C5AR1: variants seen among roughly 807,000 people sequenced by gnomAD.
The protein encoded by C5AR1 is complement C5a receptor 1.
In C5AR1, 4 loss-of-function variants were observed where a neutral mutation model predicts 2.4. That is an observed-to-expected ratio of 1.65 (90% CI 0.81 to 3.77). C5AR1 has a LOEUF of 3.77. Among genes scored for constraint, C5AR1 ranks in the 30% most tolerant of loss-of-function variants. The pLI is 0.01. For missense variants in C5AR1, 418 were observed against 462.5 expected, an observed-to-expected ratio of 0.90 and a Z score of 0.88; for synonymous variants, 209 against 210.4, an observed-to-expected ratio of 0.99 and a Z score of 0.06.
intron 1 of C5AR1, among the ~76,000 whole-genome samples, chr19:47,316,028 CAG>C (rs2059286815): frequency 6.7e-6 from 1 of 148,224 alleles, no homozygotes; most frequent in African/African-American, 2.5e-5. Context: ...TTTTTTTAGA[CAG>C]AGTCTTGTTC....
chr19:47,310,176 A>T (rs2059265530), intron 1 of C5AR1, among the ~76,000 whole-genome samples: 1 of 152,038 alleles, frequency 6.6e-6, no homozygotes. Context: ...TCCCCAGGGG[A>T]GGGGACCCTT....
At chr19:47,308,168 G>A (rs1023227569), upstream of C5AR1, among the ~76,000 whole-genome samples, 3 of 144,780 alleles carry the variant, frequency 2.1e-5, no homozygotes, top group East Asian at 4.2e-4. Flanking sequence ...TGCCGAGATC[G>A]TGCCACTGCA....
intron 1 of C5AR1, among the ~76,000 whole-genome samples, chr19:47,311,108 G>T (rs960316133): frequency 6.6e-6 from 1 of 152,076 alleles, no homozygotes; most frequent in African/African-American, 2.4e-5. Flanking sequence ...CTTCATTCCT[G>T]CATTCCACCC....
rs780389195 is a variant in C5AR1 at position 47,320,236 on chromosome 19, C to T, written c.459C>T (p.Ala153=). The stretch of plus-strand genomic sequence containing the variant: ...AGAACTTCCGAGGGGCTGGCTTGGC[C>T]TGGATCGCCTGTGCCGTGGCTTGGG... ...WCQNFRGAGL[A]WIACAVAWGL... Residue 153 remains alanine (A), a synonymous_variant, in exon 2 of 2, where the codon GCC becomes GCT. Transcript: ENST00000355085. This position sits in a 1 kb window ranked among gnomAD's most constrained non-coding sequence, Gnocchi z 4.9. 19 of 1,613,950 alleles carry T rather than the reference C, an allele frequency of 1.2e-5. No homozygotes were observed. In the East Asian group the frequency reaches 3.3e-4, roughly 28 times the overall value.
chr19:47,317,361 A>C (rs1033645728), intron 1 of C5AR1, among the ~76,000 whole-genome samples: 2 of 151,670 alleles, frequency 1.3e-5, no homozygotes, highest in Admixed American at 1.3e-4. Context: ...ATTAAAAATT[A>C]GCTGGGCACA....
intron 1 of C5AR1, among the ~76,000 whole-genome samples, chr19:47,311,551 G>A (rs888451098): frequency 6.6e-6 from 1 of 151,644 alleles, no homozygotes; most frequent in African/African-American, 2.4e-5. Flanking sequence ...CTACCCCAGA[G>A]CCTCTGACTC....
At chr19:47,318,378 C>T (rs949466726) in intron 1 of C5AR1, among the ~76,000 whole-genome samples, 1 of 151,674 alleles carries the variant, frequency 6.6e-6, no homozygotes, top group African/African-American at 2.4e-5. Context: ...ATTGCAACTT[C>T]CACCTCCCAG....
chr19:47,314,763 G>T, intron 1 of C5AR1, among the ~76,000 whole-genome samples: 1 of 152,050 alleles, frequency 6.6e-6, no homozygotes, highest in East Asian at 1.9e-4. Context: ...GCACGATCTC[G>T]GCTCACTACA....
At chr19:47,316,927 C>G (rs2059291161) in intron 1 of C5AR1, among the ~76,000 whole-genome samples, 1 of 150,942 alleles carries the variant, frequency 6.6e-6, no homozygotes. Flanking sequence ...TCTGTAATCT[C>G]AGCACTTTGG....
intron 1 of C5AR1, among the ~76,000 whole-genome samples, chr19:47,312,898 CT>C (rs1388955880): frequency 6.6e-6 from 1 of 152,054 alleles, no homozygotes; most frequent in Non-Finnish European, 1.5e-5. Context: ...TTCTTTCTTT[CT>C]TTTATCAGCT....
At chr19:47,308,041 C>T (rs139672840), upstream of C5AR1, among the ~76,000 whole-genome samples, 4,137 of 151,356 alleles carry the variant, frequency 0.027, 92 homozygotes, top group Middle Eastern at 0.061. Context: ...GGTGAAACCA[C>T]GTCTCTACTA....
Position 47,319,944 on chromosome 19 carries a change from C to T in C5AR1, c.167C>T (p.Ala56Val), listed in dbSNP as rs528096407. Residue 56 changes from alanine to valine, a missense_variant, in exon 2 of 2, where the codon GCC becomes GTC. Transcript: ENST00000355085. The part of the protein sequence containing the change: ...VVFLVGVLGN[A>V]LVVWVTAFEA... Reference sequence around the variant, plus strand: ...TTCCTGGTGGGAGTGCTGGGCAATGCCCTGGTGGTCTGGGTGACGGCATTC... The same window carrying T: ...TTCCTGGTGGGAGTGCTGGGCAATGTCCTGGTGGTCTGGGTGACGGCATTC... 1 of 1,614,234 alleles carries T rather than the reference C, an allele frequency of 6.2e-7. No homozygotes were observed. The highest frequency in any genetic ancestry group is 2.2e-5 in the East Asian group (1 of 44,886).
At chr19:47,309,748 C>T, upstream of C5AR1, 1 of 724,868 alleles carries the variant, frequency 1.4e-6, no homozygotes, top group Non-Finnish European at 2.2e-6. Flanking sequence ...AGAGGGAGCT[C>T]TGGCCTCAGT....
upstream of C5AR1, among the ~76,000 whole-genome samples, chr19:47,309,150 C>G (rs548558370): frequency 5.7e-4 from 87 of 152,234 alleles, no homozygotes; most frequent in African/African-American, 2.1e-3. Flanking sequence ...CTCTTTGGGT[C>G]TCAAATCAGC....
Position 47,321,492 on chromosome 19 carries a change from C to G in C5AR1, c.*662C>G, listed in dbSNP as rs372321183. ...GGGCATGGTAGTGGGTGCCTGTAATCCCAGCTACTTGGGAGGCTGAGGTGG... is the reference window on the plus strand; with the variant it reads ...GGGCATGGTAGTGGGTGCCTGTAATGCCAGCTACTTGGGAGGCTGAGGTGG... On this transcript the variant is annotated 3_prime_UTR_variant, in exon 2 of 2. Transcript: ENST00000355085. 1.4e-5 allele frequency: 2 copies of G among 139,136 alleles called. No homozygotes were observed. The highest frequency in any genetic ancestry group is 2.2e-4 in the East Asian group (1 of 4,552). 8.6% of individuals were successfully genotyped at this position (139,136 alleles called of 1,614,324 possible).
chr19:47,319,511 G>A (rs925159875), intron 1 of C5AR1, among the ~76,000 whole-genome samples: 1 of 150,956 alleles, frequency 6.6e-6, no homozygotes. Context: ...GTTTTGCCAT[G>A]TTGCCCAGGC....
chr19:47,317,272 C>T (rs1281757425), intron 1 of C5AR1, among the ~76,000 whole-genome samples: 2 of 150,904 alleles, frequency 1.3e-5, no homozygotes, highest in African/African-American at 4.9e-5. Context: ...TTTGGGAGAC[C>T]AAGGCCGGAG....
chr19:47,317,520 ATAT>A (rs1346341532), intron 1 of C5AR1, among the ~76,000 whole-genome samples: 1 of 54,454 alleles, frequency 1.8e-5, no homozygotes, highest in Non-Finnish European at 5.2e-5. Context: ...AAAAAAAAAA[ATAT>A]ATATATATAT....
chr19:47,310,870 C>T (rs1039168168), intron 1 of C5AR1, among the ~76,000 whole-genome samples: 1 of 152,140 alleles, frequency 6.6e-6, no homozygotes, highest in Admixed American at 6.6e-5. Flanking sequence ...TGGGGACCCT[C>T]CATGGTTGGT....
Sources: gnomAD v4.1 joint callset for allele counts (sites outside exome capture counted in the v4.1 genomes callset) on GRCh38, gnomAD v4.1.1 for gene constraint, Gnocchi (gnomAD v3.1) non-coding constraint, MANE v1.5 for transcripts, NCBI Gene and HGNC (gene_info 2026-07-23, HGNC 2026-07-21) for gene names.